STK31: variants seen among roughly 807,000 people sequenced by gnomAD.
STK31 encodes serine/threonine kinase 31.
In STK31, 89 loss-of-function variants were observed where a neutral mutation model predicts 129.7. That is an observed-to-expected ratio of 0.69 (90% CI 0.58 to 0.82). The LOEUF (loss-of-function observed/expected upper bound fraction) is 0.82. STK31 is among the 40% of genes least tolerant of loss of function. The probability of loss-of-function intolerance (pLI) is 0.00; values close to 1 mark genes in which losing one functional copy is unlikely to be tolerated. For missense variants in STK31, 1,187 were observed against 1,176.4 expected, an observed-to-expected ratio of 1.01 and a Z score of -0.13; for synonymous variants, 448 against 395.3, an observed-to-expected ratio of 1.13 and a Z score of -1.58.
intron 22 of STK31, among the ~76,000 whole-genome samples, chr7:23,808,943 T>TTGTGTGTGTG (rs1554297249): frequency 5.1e-4 from 43 of 84,538 alleles, no homozygotes; most frequent in African/African-American, 1.4e-3. Context: ...CTTGGAGCTT[T>TTGTGTGTGTG]TGTGTGTGTG....
At chr7:23,713,586 C>T (rs919461095) in intron 3 of STK31, among the ~76,000 whole-genome samples, 4 of 152,104 alleles carry the variant, frequency 2.6e-5, no homozygotes, top group Admixed American at 6.6e-5. Context: ...ATATTCTTTA[C>T]GTCCTTATTC....
At chr7:23,751,353 A>G (rs761909847) in intron 8 of STK31, among the ~76,000 whole-genome samples, 6 of 152,156 alleles carry the variant, frequency 3.9e-5, no homozygotes, top group Non-Finnish European at 7.4e-5. Context: ...TTTCTTTTGG[A>G]TAAATACTCA....
chr7:23,737,964 C>T (rs1432946109), intron 8 of STK31, among the ~76,000 whole-genome samples: 1 of 151,960 alleles, frequency 6.6e-6, no homozygotes, highest in Non-Finnish European at 1.5e-5. Context: ...AACTGGGTGT[C>T]TAATAATTCA....
At chr7:23,776,011 CTAGT>C (rs775912067) in intron 15 of STK31, among the ~76,000 whole-genome samples, 17 of 152,146 alleles carry the variant, frequency 1.1e-4, no homozygotes, top group Non-Finnish European at 2.2e-4. Flanking sequence ...CCATCAGTAC[CTAGT>C]TAGTTGAGAA....
At chr7:23,752,968 ATAGT>A (rs1211437299) in intron 9 of STK31, 136 bp downstream of exon 9, 4 of 619,924 alleles carry the variant, frequency 6.5e-6, no homozygotes, top group East Asian at 5.8e-5. Context: ...AGAGAGAAAG[ATAGT>A]TATTTCTGAG....
At chr7:23,752,006 T>G (rs556937731) in intron 8 of STK31, among the ~76,000 whole-genome samples, 2 of 152,050 alleles carry the variant, frequency 1.3e-5, no homozygotes, top group Admixed American at 6.6e-5. Flanking sequence ...GTTTGAGAGA[T>G]AGAGTTTTAA....
At position 23,781,477 on chromosome 7, in the gene STK31, G is replaced by A. The variant is rs758070947; in HGVS notation, c.2024G>A (p.Arg675His). 3.8e-5 allele frequency: 61 copies of A among 1,611,480 alleles called. No homozygotes were observed. The highest frequency in any genetic ancestry group is 4.8e-5 in the Non-Finnish European group (57 of 1,179,078). ...EKIKEEITQL[R>H]NNVFQEIYHE... ...ATAAAAGAAGAAATAACTCAGCTGCGCAATAATGTCTTTCAGGAAATTTAT... is the reference window on the plus strand; with the variant it reads ...ATAAAAGAAGAAATAACTCAGCTGCACAATAATGTCTTTCAGGAAATTTAT... The change falls in exon 16 of 24, where the codon CGC becomes CAC. Residue 675 changes from arginine to histidine, a missense_variant. Arg to His is a conservative substitution (Grantham distance 29). Around this residue, in one of 5 missense-constraint regions of STK31, gnomAD observed 975 missense variants for 934.9 expected, o/e 1.04. Transcript: ENST00000355870.
intron 23 of STK31, among the ~76,000 whole-genome samples, chr7:23,828,224 AGCTGTGGTG>A (rs1475711456): frequency 0.011 from 1,696 of 152,200 alleles, 29 homozygotes; most frequent in African/African-American, 0.037. Context: ...GGCCTCTTTG[AGCTGTGGTG>A]GGCTCCACCC....
intron 14 of STK31, chr7:23,771,591 C>T (rs1041672902): frequency 6.5e-6 from 1 of 152,820 alleles, no homozygotes; most frequent in African/African-American, 2.4e-5. Context: ...TCTATACTGT[C>T]ATCTTGAGTG....
intron 23 of STK31, among the ~76,000 whole-genome samples, chr7:23,823,051 A>C (rs1189520975): frequency 2.6e-5 from 4 of 152,224 alleles, no homozygotes; most frequent in African/African-American, 9.6e-5. Context: ...GTGCCGCAAT[A>C]AACGTATGTG....
chr7:23,790,263 ATAAAAAT>A (rs2128113881), intron 21 of STK31, among the ~76,000 whole-genome samples: 2 of 152,244 alleles, frequency 1.3e-5, no homozygotes, highest in Non-Finnish European at 2.9e-5. Flanking sequence ...CTATGTACCC[ATAAAAAT>A]TAAAAATAAA....
intron 8 of STK31, among the ~76,000 whole-genome samples, chr7:23,742,116 C>G (rs1367792781): frequency 6.6e-6 from 1 of 152,188 alleles, no homozygotes. Flanking sequence ...CCCTGTTGGT[C>G]CTTTGCTGGG....
chr7:23,777,866 G>A (rs528512749), intron 15 of STK31, among the ~76,000 whole-genome samples: 4 of 152,068 alleles, frequency 2.6e-5, no homozygotes, highest in Admixed American at 1.3e-4. Flanking sequence ...TTGTGAATTT[G>A]ATCCTGTCAT....
At chr7:23,748,497 A>C (rs1788489506) in intron 8 of STK31, among the ~76,000 whole-genome samples, 4 of 152,244 alleles carry the variant, frequency 2.6e-5, no homozygotes, top group African/African-American at 9.6e-5. Context: ...GGATATTTTA[A>C]ATAAAAGTTA....
At chr7:23,832,005 A>G in intron 23 of STK31, 131 bp from the exon 24 acceptor site, 3 of 641,866 alleles carry the variant, frequency 4.7e-6, no homozygotes, top group Non-Finnish European at 5.5e-6. Flanking sequence ...GGGGAGTACC[A>G]GATACCTCGT....
At chr7:23,794,448 G>A (rs1791829896) in intron 22 of STK31, among the ~76,000 whole-genome samples, 1 of 152,160 alleles carries the variant, frequency 6.6e-6, no homozygotes, top group African/African-American at 2.4e-5. Context: ...CCAGTCTTGG[G>A]GATGTCTTTT....
At chr7:23,743,033 A>G (rs976920306) in intron 8 of STK31, among the ~76,000 whole-genome samples, 13 of 149,348 alleles carry the variant, frequency 8.7e-5, no homozygotes, top group African/African-American at 2.2e-4. Flanking sequence ...GCTCTCTGCA[A>G]CCTCCACCTC....
chr7:23,801,797 GT>G, intron 22 of STK31, among the ~76,000 whole-genome samples: 1 of 71,336 alleles, frequency 1.4e-5, no homozygotes, highest in Non-Finnish European at 3.0e-5. Flanking sequence ...TTAAGAGAGT[GT>G]TATTCTCTGT....
At chr7:23,767,561 A>G (rs2128101876) in intron 11 of STK31, among the ~76,000 whole-genome samples, 1 of 152,220 alleles carries the variant, frequency 6.6e-6, no homozygotes, top group East Asian at 1.9e-4. Context: ...TCCAGGCACT[A>G]CCACCCTTAG....
Sources: allele counts gnomAD v4.1 joint callset (sites outside exome capture counted in the v4.1 genomes callset), GRCh38; gene constraint gnomAD v4.1.1; regional missense constraint gnomAD v4.1.1; transcripts MANE v1.5; gene names NCBI Gene and HGNC (gene_info 2026-07-23, HGNC 2026-07-21).